HDLBP: variants seen among roughly 807,000 people sequenced by gnomAD.
HDLBP encodes the protein vigilin.
In HDLBP, 30 loss-of-function variants were observed where a neutral mutation model predicts 137.3. The ratio of observed to expected loss-of-function variants is 0.22; its 90% CI spans 0.16 to 0.30. The LOEUF (loss-of-function observed/expected upper bound fraction) is 0.30. HDLBP is among the 10% of genes least tolerant of loss of function. The probability of loss-of-function intolerance (pLI) is 1.00; values close to 1 mark genes in which losing one functional copy is unlikely to be tolerated. For missense variants in HDLBP, 1,119 were observed against 1,667.3 expected, an observed-to-expected ratio of 0.67 and a Z score of 5.73; for synonymous variants, 606 against 596.0, an observed-to-expected ratio of 1.02 and a Z score of -0.24.
intron 1 of HDLBP, chr2:241,270,833 C>T (rs923220196): frequency 3.0e-4 from 99 of 333,448 alleles, no homozygotes; most frequent in Admixed American, 5.2e-4. Flanking sequence ...TCTGAAGTTC[C>T]CAGGATACCT....
At chr2:241,280,873 C>G (rs1226079149) in intron 1 of HDLBP, among the ~76,000 whole-genome samples, 1 of 152,180 alleles carries the variant, frequency 6.6e-6, no homozygotes, top group Non-Finnish European at 1.5e-5. Context: ...GGAATGCTAA[C>G]ATTTAATTCC....
At chr2:241,266,996 T>TTTTAG (rs2073722291) in intron 2 of HDLBP, 90 bp from the exon 3 acceptor site, 1 of 958,738 alleles carries the variant, frequency 1.0e-6, no homozygotes, top group Non-Finnish European at 1.7e-6. Context: ...AAAGTTTTAC[T>TTTTAG]CTCTTTTTTA....
At chr2:241,283,800 C>G (rs1017924507) in intron 1 of HDLBP, among the ~76,000 whole-genome samples, 1 of 152,084 alleles carries the variant, frequency 6.6e-6, no homozygotes, top group African/African-American at 2.4e-5. Flanking sequence ...CTAAGAGAAG[C>G]CTTCAAAGCT....
Position 241,272,939 on chromosome 2 carries a change from C to T in HDLBP, c.-102-4398G>A. 1.2e-6 allele frequency: 1 copy of T among 857,078 alleles called. No individual in the cohort carries two copies. Among genetic ancestry groups the T allele is most frequent in the Non-Finnish European group, 1.4e-6 (1 of 712,642 alleles). The allele number at this position is 857,078 out of a possible 1,614,324, so 53.1% of individuals were successfully genotyped here. On this transcript the variant is annotated intron_variant, in intron 1 of 27. Transcript: ENST00000310931. This position sits in a 1 kb window ranked among gnomAD's most constrained non-coding sequence, Gnocchi z 5.6. Reference sequence around the variant, plus strand: ...CGCTGGGGTCCCCGCCGCCCCGGGCCGCCCAGCACCCGGGAGGCCCACCCA... The same window carrying T: ...CGCTGGGGTCCCCGCCGCCCCGGGCTGCCCAGCACCCGGGAGGCCCACCCA...
At chr2:241,258,976 T>C (rs755144582) in intron 5 of HDLBP, among the ~76,000 whole-genome samples, 8 of 152,074 alleles carry the variant, frequency 5.3e-5, no homozygotes, top group Non-Finnish European at 1.0e-4. Context: ...TAGGAATCTA[T>C]CCCAAGATAC....
intron 1 of HDLBP, among the ~76,000 whole-genome samples, chr2:241,289,645 C>T (rs139517577): frequency 6.6e-6 from 1 of 152,086 alleles, no homozygotes; most frequent in Non-Finnish European, 1.5e-5. Flanking sequence ...TATTAGAAAA[C>T]AAGTATCACA....
chr2:241,297,378 A>G (rs1195013043), intron 1 of HDLBP, among the ~76,000 whole-genome samples: 1 of 152,240 alleles, frequency 6.6e-6, no homozygotes, highest in East Asian at 1.9e-4. Flanking sequence ...AAACGGAGTT[A>G]TCCACTTGGA....
At chr2:241,286,247 A>G (rs1198248144) in intron 1 of HDLBP, among the ~76,000 whole-genome samples, 2 of 152,142 alleles carry the variant, frequency 1.3e-5, no homozygotes, top group Non-Finnish European at 2.9e-5. Context: ...TGAGCCCAGG[A>G]GTTCAAAACC....
Position 241,238,519 on chromosome 2 carries a change from A to T in HDLBP, c.2749+130T>A. Reference sequence around the variant, plus strand: ...CAGGGAGTGACCCTGAACCTCTGGAAGCCCCCAGAATACATAGATGGTTTT... The same window carrying T: ...CAGGGAGTGACCCTGAACCTCTGGATGCCCCCAGAATACATAGATGGTTTT... On this transcript the variant is annotated intron_variant, in intron 20 of 27. Transcript: ENST00000310931. The surrounding 1 kb of genome is among the most constrained non-coding windows in gnomAD (Gnocchi z 4.9). 1 of 690,882 alleles carries T rather than the reference A, an allele frequency of 1.4e-6. No individual in the cohort carries two copies. The highest frequency in any genetic ancestry group is 2.9e-5 in the East Asian group (1 of 34,940). 42.8% of individuals were successfully genotyped at this position (690,882 alleles called of 1,614,324 possible). A position where few individuals can be genotyped will look rare whatever the true frequency, so the allele number is the denominator to read the frequency against.
At position 241,272,338 on chromosome 2, in the gene HDLBP, C is replaced by A. The variant is rs1035671371; in HGVS notation, c.-102-3797G>T. ...CCCGCCGGAGCGGGGGAGGGGAGGG[C>A]CGGCCCCGCCAACGTCAGCGACCTG... On this transcript the variant is annotated intron_variant, in intron 1 of 27. Coordinates refer to ENST00000310931, the MANE Select transcript of HDLBP (RefSeq NM_005336.6). This position sits in a 1 kb window ranked among gnomAD's most constrained non-coding sequence, Gnocchi z 5.6. 23 of 984,060 alleles carry A rather than the reference C, an allele frequency of 2.3e-5. No homozygotes were observed. The highest frequency in any genetic ancestry group is 2.2e-5 in the Non-Finnish European group (18 of 829,100). The allele number at this position is 984,060 out of a possible 1,614,324, so 61.0% of individuals were successfully genotyped here.
chr2:241,273,721 G>A (rs1002346857), intron 1 of HDLBP: 15 of 947,646 alleles, frequency 1.6e-5, no homozygotes, highest in Non-Finnish European at 1.8e-5. Context: ...CAGGGGAAGA[G>A]GTAGGGGCAC....
chr2:241,287,321 G>A (rs2074852422), intron 1 of HDLBP, among the ~76,000 whole-genome samples: 1 of 151,898 alleles, frequency 6.6e-6, no homozygotes, highest in Non-Finnish European at 1.5e-5. Flanking sequence ...TTGTTGGCCA[G>A]GCTGGTCTCA....
Position 241,235,547 on chromosome 2 carries a change from G to T in HDLBP, c.2952C>A (p.His984Gln). 1 of 1,614,128 alleles carries T rather than the reference G, an allele frequency of 6.2e-7. No individual in the cohort carries two copies. The highest frequency in any genetic ancestry group is 8.5e-7 in the Non-Finnish European group (1 of 1,179,998). The change falls in exon 22 of 28, where the codon CAC becomes CAA. Residue 984 changes from histidine to glutamine, a missense_variant. Physicochemically the swap from His to Gln is conservative, Grantham distance 24 (BLOSUM62 0). Around this residue, in one of 4 missense-constraint regions of HDLBP, gnomAD observed 618 missense variants for 816.7 expected, o/e 0.76. Coordinates refer to ENST00000310931, the MANE Select transcript of HDLBP (RefSeq NM_005336.6). ...TIEVEVPFDL[H>Q]RYVIGQKGSG... is the part of the protein sequence containing the mutation. ...TTCCTTTCTGCCCAATAACGTAACGGTGAAGGTCAAAGGGCACCTCTACTT... is the reference window on the plus strand; with the variant it reads ...TTCCTTTCTGCCCAATAACGTAACGTTGAAGGTCAAAGGGCACCTCTACTT...
At chr2:241,250,067 CTAAA>C (rs2072005936) in intron 11 of HDLBP, 87 bp from the exon 12 acceptor site, 1 of 1,293,808 alleles carries the variant, frequency 7.7e-7, no homozygotes, top group African/African-American at 1.5e-5. Context: ...CGCTAAAGCG[CTAAA>C]TAACCTTATC....
In HDLBP at chr2:241,235,546, G is replaced by T; in HGVS notation, c.2953C>A (p.Arg985Ser). The T allele has an allele frequency of 6.2e-7, 1 of 1,614,096 alleles. No homozygotes were observed. Among genetic ancestry groups the T allele is most frequent in the Non-Finnish European group, 8.5e-7 (1 of 1,179,994 alleles). The change falls in exon 22 of 28, where the codon CGT becomes AGT. Residue 985 changes from arginine to serine, a missense_variant. Around this residue, in one of 4 missense-constraint regions of HDLBP, gnomAD observed 618 missense variants for 816.7 expected, o/e 0.76. Transcript: ENST00000310931. Reference protein sequence around the residue: ...IEVEVPFDLHRYVIGQKGSGI... With the variant: ...IEVEVPFDLHSYVIGQKGSGI... ...CTTCCTTTCTGCCCAATAACGTAAC[G>T]GTGAAGGTCAAAGGGCACCTCTACT... is the stretch of plus-strand genomic sequence containing the variant.
In HDLBP at chr2:241,230,656, C is replaced by G; in HGVS notation, c.3474+103G>C. On this transcript the variant is annotated intron_variant, in intron 25 of 27. Coordinates refer to ENST00000310931, the MANE Select transcript of HDLBP (RefSeq NM_005336.6). This position sits in a 1 kb window ranked among gnomAD's most constrained non-coding sequence, Gnocchi z 5.0. ...CCACTGCCAGCCCTGGGGTTGTGGC[C>G]TCATCATCTTGAGGGGAAGGCCATG... The G allele has an allele frequency of 1.0e-6, 1 of 1,002,252 alleles. No individual in the cohort carries two copies. The highest frequency in any genetic ancestry group is 1.5e-6 in the Non-Finnish European group (1 of 664,750). 62.1% of individuals were successfully genotyped at this position (1,002,252 alleles called of 1,614,324 possible).
rs2070987264 is a variant in HDLBP at position 241,239,527 on chromosome 2, G to A, written c.2610+75C>T. On this transcript the variant is annotated intron_variant, in intron 19 of 27. Transcript: ENST00000310931. This position sits in a 1 kb window ranked among gnomAD's most constrained non-coding sequence, Gnocchi z 4.6. ...GGGAGTCACCTCCCTACAGGGTGGA[G>A]CGAACACTCATACACGGCTTCGGTG... The A allele has an allele frequency of 2.4e-6, 3 of 1,231,260 alleles. No homozygotes were observed. Among genetic ancestry groups the A allele is most frequent in the South Asian group, 2.6e-5 (2 of 77,676 alleles). 76.3% of individuals were successfully genotyped at this position (1,231,260 alleles called of 1,614,324 possible).
chr2:241,272,388 GCCGTGCGGCCAC>G lies in HDLBP; in HGVS notation c.-102-3859_-102-3848del. 1.0e-6 allele frequency: 1 copy of G among 984,690 alleles called. No homozygotes were observed. The allele number at this position is 984,690 out of a possible 1,614,324, so 61.0% of individuals were successfully genotyped here. ...GGGCTCAGGTCGGCCGCCCCTCCGC[GCCGTGCGGCCAC>G]GGCACCAGGGGTGCCCCACCGAAGC... On this transcript the variant is annotated intron_variant, in intron 1 of 27. Coordinates refer to ENST00000310931, the MANE Select transcript of HDLBP (RefSeq NM_005336.6). This position sits in a 1 kb window ranked among gnomAD's most constrained non-coding sequence, Gnocchi z 5.6.
In HDLBP at chr2:241,235,105, G is replaced by T; in HGVS notation, c.3144+16C>A. 1 of 1,610,356 alleles carries T rather than the reference G, an allele frequency of 6.2e-7. No individual in the cohort carries two copies. ...CACCATGGCTCTGGGCAGTGCCCCG[G>T]CCACCTCCTGCTCACCCGGTCCTCC... is the stretch of plus-strand genomic sequence containing the variant. On this transcript the variant is annotated intron_variant, in intron 23 of 27. Coordinates refer to ENST00000310931, the MANE Select transcript of HDLBP (RefSeq NM_005336.6).
Sources: gnomAD v4.1 joint callset for allele counts (sites outside exome capture counted in the v4.1 genomes callset) on GRCh38, gnomAD v4.1.1 for gene constraint, gnomAD v4.1.1 regional missense constraint, Gnocchi (gnomAD v3.1) non-coding constraint, MANE v1.5 for transcripts, NCBI Gene and HGNC (gene_info 2026-07-23, HGNC 2026-07-21) for gene names.